Variants in AR observed in about 807,000 individuals in gnomAD.
The protein encoded by AR is androgen receptor.
A neutral mutation model predicts 53.9 loss-of-function variants in AR; 8 were observed. That is an observed-to-expected ratio of 0.15 (90% CI 0.09 to 0.27). The LOEUF is 0.27. Ranked by LOEUF, AR falls within the 10% of genes least tolerant of loss-of-function variation. The probability of loss-of-function intolerance (pLI) is 1.00; values close to 1 mark genes in which losing one functional copy is unlikely to be tolerated. For synonymous variants in AR, 359 were observed against 316.4 expected (o/e 1.13, Z -1.43); for missense variants, 639 against 742.5 (o/e 0.86, Z 1.62).
rs954756489 is a variant in AR, at chrX:67,642,260, G to A, written c.1617-996G>A. ...CACTTGAGTTTTGTTTAATGCTTAG[G>A]CATAAGACATAGGAATGACAAAAGC... is the stretch of plus-strand genomic sequence containing the variant. On this transcript the variant is annotated intron_variant, in intron 1 of 7. Transcript: ENST00000374690. 2.7e-5 allele frequency among the ~76,000 whole-genome samples: 3 copies of A among 111,990 alleles called. No individual in the cohort carries two copies. The East Asian group carries it at 8.5e-4, about 32-fold the overall frequency.
chrX:67,729,189 T>C lies in AR; in HGVS notation c.*5348T>C, dbSNP rs2076170509. The C allele has an allele frequency of 5.7e-6, 1 of 175,823 alleles. No homozygotes were observed. The allele number at this position is 175,823 out of a possible 1,213,427, so 14.5% of individuals were successfully genotyped here. A position where few individuals can be genotyped will look rare whatever the true frequency, so the allele number is the denominator to read the frequency against. On this transcript the variant is annotated 3_prime_UTR_variant, in exon 8 of 8. Transcript: ENST00000374690. ...TATGTTCTGTAAAGATTTTGACAAA[T>C]GAAAATGTGTTTTTCTCTGTTAAAA...
chrX:67,688,211 A>G (rs1306143773), intron 3 of AR, among the ~76,000 whole-genome samples: 3 of 111,259 alleles, frequency 2.7e-5, no homozygotes, highest in Non-Finnish European at 5.7e-5. Flanking sequence ...AGGCTGGCAA[A>G]CTTCAGGAAG....
At chrX:67,617,783 A>G (rs1924189192) in intron 1 of AR, among the ~76,000 whole-genome samples, 1 of 111,501 alleles carries the variant, frequency 9.0e-6, no homozygotes, top group African/African-American at 3.3e-5. Context: ...TTATAATGGA[A>G]TTTCAGGCTC....
chrX:67,661,806 G>T (rs1041109153), intron 2 of AR, among the ~76,000 whole-genome samples: 2 of 111,514 alleles, frequency 1.8e-5, no homozygotes. Flanking sequence ...ATTCAGCTGT[G>T]AATCCATCTG....
Position 67,661,957 on chromosome X carries a change from A to T in AR, c.1768+18550A>T, listed in dbSNP as rs775972122. Among the ~76,000 whole-genome samples the T allele has an allele frequency of 1.6e-4, 18 of 111,890 alleles. No homozygotes were observed. The Admixed American group carries it at 1.7e-3, about 11-fold the overall frequency. Reference sequence around the variant, plus strand: ...GTCGAGGAATTTATCCATTTCTTCTAGATTTTCTAGTTTATTTGCATACAG... The same window carrying T: ...GTCGAGGAATTTATCCATTTCTTCTTGATTTTCTAGTTTATTTGCATACAG... On this transcript the variant is annotated intron_variant, in intron 2 of 7. Coordinates refer to ENST00000374690, the MANE Select transcript of AR (RefSeq NM_000044.6).
At chrX:67,617,883 G>A (rs189232578) in intron 1 of AR, among the ~76,000 whole-genome samples, 43 of 111,624 alleles carry the variant, frequency 3.9e-4, no homozygotes, top group Admixed American at 5.7e-4. Flanking sequence ...AGCAGGCTCC[G>A]TCTGGCTGCA....
chrX:67,577,689 T>C (rs919553353), intron 1 of AR, among the ~76,000 whole-genome samples: 3 of 111,364 alleles, frequency 2.7e-5, no homozygotes, highest in African/African-American at 9.8e-5. Flanking sequence ...TCTCAATGGG[T>C]GTGAATTGGG....
At chrX:67,705,124 T>G (rs1402603864) in intron 3 of AR, among the ~76,000 whole-genome samples, 1 of 111,657 alleles carries the variant, frequency 9.0e-6, no homozygotes, top group Non-Finnish European at 1.9e-5. Context: ...GTCTTGGCAA[T>G]GCAGGCTCTT....
chrX:67,606,452 G>C (rs1333304152), intron 1 of AR, among the ~76,000 whole-genome samples: 3 of 111,413 alleles, frequency 2.7e-5, no homozygotes, highest in Non-Finnish European at 5.7e-5. Context: ...TTATTTTTTG[G>C]TTAGAACATT....
intron 1 of AR, among the ~76,000 whole-genome samples, chrX:67,559,244 G>A (rs1921194256): frequency 9.0e-6 from 1 of 111,464 alleles, no homozygotes; most frequent in Non-Finnish European, 1.9e-5. Context: ...CTATCACTTG[G>A]GCTCCCTTCT....
At chrX:67,607,829 C>CA (rs747462141) in intron 1 of AR, among the ~76,000 whole-genome samples, 1 of 111,531 alleles carries the variant, frequency 9.0e-6, no homozygotes, top group South Asian at 3.8e-4. Context: ...CATATGGGAC[C>CA]AAAAAATTCT....
At position 67,725,280 on chromosome X, in the gene AR, C is replaced by T. The variant is rs1395179685; in HGVS notation, c.*1439C>T. ...AGTAGTCACAAAGATTTCTTACCAA[C>T]TCTCAGATCGCTGGAGCCCTTAGAC... On this transcript the variant is annotated 3_prime_UTR_variant, in exon 8 of 8. Transcript: ENST00000374690. The T allele has an allele frequency of 5.8e-6, 1 of 173,258 alleles. No homozygotes were observed. Among genetic ancestry groups the T allele is most frequent in the Non-Finnish European group, 1.1e-5 (1 of 91,158 alleles). The allele number at this position is 173,258 out of a possible 1,213,427, so 14.3% of individuals were successfully genotyped here.
chrX:67,718,782 C>T (rs779091857), intron 5 of AR, among the ~76,000 whole-genome samples: 19 of 111,270 alleles, frequency 1.7e-4, no homozygotes, highest in African/African-American at 4.2e-4. Flanking sequence ...TATAGATGCC[C>T]GCCACCGTGT....
chrX:67,654,206 A>G (rs1246404114), intron 2 of AR, among the ~76,000 whole-genome samples: 1 of 111,528 alleles, frequency 9.0e-6, no homozygotes, highest in African/African-American at 3.3e-5. Context: ...ATGATGTGTA[A>G]TAAAGCTACT....
intron 1 of AR, among the ~76,000 whole-genome samples, chrX:67,633,880 G>A (rs758547026): frequency 4.5e-5 from 5 of 111,809 alleles, no homozygotes; most frequent in African/African-American, 1.6e-4. Context: ...AGATAGAAAG[G>A]AAATTAGTTT....
At chrX:67,632,923 A>G (rs967218082) in intron 1 of AR, among the ~76,000 whole-genome samples, 4 of 112,167 alleles carry the variant, frequency 3.6e-5, no homozygotes, top group Middle Eastern at 4.7e-3. Flanking sequence ...GCTCAACATC[A>G]TTAGTCATTA....
intron 1 of AR, among the ~76,000 whole-genome samples, chrX:67,593,233 G>A (rs1323575450): frequency 2.7e-5 from 3 of 111,465 alleles, no homozygotes; most frequent in African/African-American, 9.8e-5. Flanking sequence ...GATCTTTTCC[G>A]AAACAGACCC....
intron 3 of AR, among the ~76,000 whole-genome samples, chrX:67,700,302 A>G (rs1311734167): frequency 8.9e-6 from 1 of 111,797 alleles, no homozygotes; most frequent in Non-Finnish European, 1.9e-5. Flanking sequence ...CCTGTATCTT[A>G]TATGAAAGAA....
rs2147321666 is a variant in AR, at chrX:67,546,512, G to A, written c.1366G>A (p.Gly456Ser). The A allele has an allele frequency of 1.0e-6, 1 of 979,018 alleles. No individual in the cohort carries two copies. The highest frequency in any genetic ancestry group is 1.3e-6 in the Non-Finnish European group (1 of 777,437). 80.7% of individuals were successfully genotyped at this position (979,018 alleles called of 1,213,427 possible). The part of the protein sequence containing the change: ...LYGPCGGGGG[G>S]GGGGGGGGGG... ...TGGACCGTGTGGTGGTGGTGGGGGT[G>A]GTGGCGGCGGCGGCGGCGGCGGCGG... The change falls in exon 1 of 8, where the codon GGT becomes AGT. Residue 456 changes from glycine (G) to serine (S), a missense_variant. This residue lies in a region of AR where 423 missense variants were observed against 377.0 expected (regional missense o/e 1.12). Coordinates refer to ENST00000374690, the MANE Select transcript of AR (RefSeq NM_000044.6).
Sources: allele counts gnomAD v4.1 joint callset (sites outside exome capture counted in the v4.1 genomes callset), GRCh38; gene constraint gnomAD v4.1.1; regional missense constraint gnomAD v4.1.1; transcripts MANE v1.5; gene names NCBI Gene and HGNC (gene_info 2026-07-23, HGNC 2026-07-21).